DPP8: variants seen among roughly 807,000 people sequenced by gnomAD.
DPP8 encodes the protein dipeptidyl peptidase 8, also known as DPP VIII.
Under a neutral mutation model 107.5 loss-of-function variants are expected in DPP8, and 31 were observed. The observed-to-expected ratio is 0.29, with a 90% CI of 0.22 to 0.39. DPP8 has a LOEUF of 0.39. Among genes scored for constraint, DPP8 ranks in the 10% least tolerant of loss-of-function variants. The pLI is 1.00. For synonymous variants in DPP8, 381 were observed against 356.6 expected (o/e 1.07, Z -0.77); for missense variants, 842 against 1,076.1 (o/e 0.78, Z 3.04).
intron 14 of DPP8, among the ~76,000 whole-genome samples, chr15:65,465,819 G>A (rs2140482559): frequency 6.6e-6 from 1 of 152,240 alleles, no homozygotes; most frequent in Admixed American, 6.5e-5. Flanking sequence ...GCCTCCCAAA[G>A]TGCTGGGATT....
intron 1 of DPP8, among the ~76,000 whole-genome samples, chr15:65,515,247 T>C (rs1404161222): frequency 6.6e-6 from 1 of 152,250 alleles, no homozygotes; most frequent in East Asian, 1.9e-4. Flanking sequence ...CTTCTTATTA[T>C]TCACGTCACA....
intron 19 of DPP8, 98 bp from the exon 20 acceptor site, chr15:65,447,104 T>C: frequency 1.1e-6 from 1 of 880,016 alleles, no homozygotes; most frequent in Non-Finnish European, 1.7e-6. Context: ...GGATTAATAA[T>C]ACGAAGCACA....
chr15:65,499,849 A>G (rs1243439870), intron 4 of DPP8, among the ~76,000 whole-genome samples: 1 of 152,166 alleles, frequency 6.6e-6, no homozygotes, highest in Non-Finnish European at 1.5e-5. Context: ...TATGGGTGTG[A>G]GCCACCACGT....
At chr15:65,508,952 T>C (rs1180185793) in intron 2 of DPP8, among the ~76,000 whole-genome samples, 1 of 151,956 alleles carries the variant, frequency 6.6e-6, no homozygotes, top group East Asian at 1.9e-4. Context: ...GTGAAAGAGA[T>C]CCTCAACCTA....
At chr15:65,447,243 T>G (rs992035833) in intron 19 of DPP8, among the ~76,000 whole-genome samples, 1 of 152,146 alleles carries the variant, frequency 6.6e-6, no homozygotes, top group Non-Finnish European at 1.5e-5. Flanking sequence ...CTAAGTGTGG[T>G]CTGCAGACTT....
intron 15 of DPP8, chr15:65,458,683 G>C (rs1259782722): frequency 1.3e-5 from 2 of 152,140 alleles, no homozygotes; most frequent in Non-Finnish European, 2.9e-5. Flanking sequence ...CTGACCTACA[G>C]AAATTGCTGC....
At chr15:65,480,076 C>T (rs2140733097) in intron 10 of DPP8, 146 bp downstream of exon 10, 1 of 628,932 alleles carries the variant, frequency 1.6e-6, no homozygotes. Flanking sequence ...CTGGAACCAT[C>T]ACTCCAATTG....
intron 1 of DPP8, chr15:65,516,333 T>C (rs2071433697): frequency 6.6e-6 from 1 of 152,248 alleles, no homozygotes; most frequent in South Asian, 2.1e-4. Context: ...CTATTCATCT[T>C]AAGTGCATTC....
At chr15:65,497,157 T>C (rs1326838255) in intron 5 of DPP8, among the ~76,000 whole-genome samples, 2 of 152,166 alleles carry the variant, frequency 1.3e-5, no homozygotes, top group African/African-American at 4.8e-5. Flanking sequence ...CCCAAAGTGC[T>C]TGGGACTACA....
intron 5 of DPP8, among the ~76,000 whole-genome samples, chr15:65,491,159 T>A (rs1457656530): frequency 1.6e-4 from 8 of 50,736 alleles, no homozygotes; most frequent in East Asian, 5.0e-4. Context: ...AGACTCCGTC[T>A]CAAAAAAAAA....
intron 1 of DPP8, among the ~76,000 whole-genome samples, chr15:65,514,093 G>A (rs902479130): frequency 6.6e-6 from 1 of 152,194 alleles, no homozygotes; most frequent in Non-Finnish European, 1.5e-5. Flanking sequence ...CAGACTAAAA[G>A]TTATTAGCAG....
At chr15:65,485,026 T>A in intron 8 of DPP8, 73 bp downstream of exon 8, 2 of 1,197,286 alleles carry the variant, frequency 1.7e-6, no homozygotes, top group Non-Finnish European at 2.5e-6. Context: ...TAAAAAAGTG[T>A]ATCAAAGAAC....
intron 3 of DPP8, among the ~76,000 whole-genome samples, chr15:65,504,711 G>C (rs2069736303): frequency 6.6e-6 from 1 of 151,894 alleles, no homozygotes; most frequent in South Asian, 2.1e-4. Context: ...GCTGGGTGGG[G>C]TGGCTCACAC....
chr15:65,485,043 G>A (rs986975031), intron 8 of DPP8, 56 bp downstream of exon 8: 8 of 1,359,648 alleles, frequency 5.9e-6, no homozygotes, highest in Admixed American at 5.1e-5. Context: ...GAACCCTACT[G>A]GGCTGAATAG....
At chr15:65,508,148 G>C (rs1018945319) in intron 2 of DPP8, among the ~76,000 whole-genome samples, 1 of 152,036 alleles carries the variant, frequency 6.6e-6, no homozygotes, top group South Asian at 2.1e-4. Context: ...GCTGAGGCAG[G>C]AGAATTGCTT....
rs560499368 is a variant in DPP8, at chr15:65,489,749, C to T, written c.826+440G>A. Among the ~76,000 whole-genome samples the T allele has an allele frequency of 2.0e-5, 3 of 151,148 alleles. No individual in the cohort carries two copies. In the South Asian group the frequency reaches 6.3e-4, roughly 32 times the overall value. On this transcript the variant is annotated intron_variant, in intron 6 of 19. Transcript: ENST00000300141. Reference sequence around the variant, plus strand: ...TACATATTTTTGAGACAAAGTTTTGCTCTCATTGCCCAAGCTGGAGTGCAA... The same window carrying T: ...TACATATTTTTGAGACAAAGTTTTGTTCTCATTGCCCAAGCTGGAGTGCAA...
chr15:65,456,738 G>C (rs2064453246), intron 15 of DPP8, among the ~76,000 whole-genome samples: 1 of 152,140 alleles, frequency 6.6e-6, no homozygotes, highest in South Asian at 2.1e-4. Context: ...CTCCCCATCA[G>C]ACATCAGATA....
chr15:65,473,588 G>A (rs1302941374), intron 12 of DPP8, among the ~76,000 whole-genome samples: 1 of 152,080 alleles, frequency 6.6e-6, no homozygotes, highest in Non-Finnish European at 1.5e-5. Flanking sequence ...AGGATCGTCT[G>A]AGCCTGGGAG....
chr15:65,466,999 C>G, intron 13 of DPP8, 72 bp downstream of exon 13: 1 of 1,557,816 alleles, frequency 6.4e-7, no homozygotes, highest in Non-Finnish European at 8.7e-7. Context: ...AATTTCACAT[C>G]ATTCAAAAGG....
Sources: allele counts gnomAD v4.1 joint callset (sites outside exome capture counted in the v4.1 genomes callset), GRCh38; gene constraint gnomAD v4.1.1; transcripts MANE v1.5; gene names NCBI Gene and HGNC (gene_info 2026-07-23, HGNC 2026-07-21).